The following NDFIP2 variants were observed in gnomAD, a reference collection of about 807,000 sequenced individuals.
The protein encoded by NDFIP2 is Nedd4 family interacting protein 2.
In NDFIP2, 19 loss-of-function variants were observed where a neutral mutation model predicts 36.0. That is an observed-to-expected ratio of 0.53 (90% CI 0.37 to 0.77). The LOEUF (loss-of-function observed/expected upper bound fraction) is 0.77. Ranked by LOEUF, NDFIP2 falls within the 30% of genes least tolerant of loss-of-function variation. NDFIP2 has a pLI of 0.00. For missense variants in NDFIP2, 446 were observed against 435.8 expected, an observed-to-expected ratio of 1.02 and a Z score of -0.21; for synonymous variants, 181 against 167.7, an observed-to-expected ratio of 1.08 and a Z score of -0.61.
intron 5 of NDFIP2, among the ~76,000 whole-genome samples, chr13:79,546,192 T>TA (rs2137115954): frequency 6.6e-6 from 1 of 151,064 alleles, no homozygotes; most frequent in Non-Finnish European, 1.5e-5. Context: ...AGTTTTCTCC[T>TA]AAAAACCTGG....
chr13:79,543,627 A>G lies in NDFIP2; in HGVS notation c.785A>G (p.Tyr262Cys). ...ATCACCAATACCATAGCTGGAAGGTATGGTGCTATCTGCGGATTTGGCCTT... is the reference window on the plus strand; with the variant it reads ...ATCACCAATACCATAGCTGGAAGGTGTGGTGCTATCTGCGGATTTGGCCTT... The part of the protein sequence containing the change: ...FCITNTIAGR[Y>C]GAICGFGLSL... Residue 262 changes from tyrosine to cysteine, a missense_variant, in exon 5 of 8, where the codon TAT becomes TGT. Coordinates refer to ENST00000218652, the MANE Select transcript of NDFIP2 (RefSeq NM_019080.3). 2 of 1,614,020 alleles carry G rather than the reference A, an allele frequency of 1.2e-6. No individual in the cohort carries two copies. The highest frequency in any genetic ancestry group is 1.7e-5 in the Admixed American group (1 of 60,026).
intron 2 of NDFIP2, among the ~76,000 whole-genome samples, chr13:79,527,095 A>T (rs1874826172): frequency 6.6e-6 from 1 of 152,204 alleles, no homozygotes; most frequent in Non-Finnish European, 1.5e-5. Context: ...TTACAAATAG[A>T]AACCTAGCAT....
rs1303759346 is a variant in NDFIP2 at position 79,543,810 on chromosome 13, A to G, written c.840+128A>G. The G allele has an allele frequency of 1.7e-5, 20 of 1,162,810 alleles. 1 individual carries two copies. In the South Asian group the frequency reaches 2.9e-4, roughly 17 times the overall value. 72.0% of individuals were successfully genotyped at this position (1,162,810 alleles called of 1,614,324 possible). A position where few individuals can be genotyped will look rare whatever the true frequency, so the allele number is the denominator to read the frequency against. On this transcript the variant is annotated intron_variant, in intron 5 of 7. Transcript: ENST00000218652. ...ATTTCAAGGCTTATTCTTAAATCCT[A>G]TACTTAATCATTATAGTGAGCTCTG...
chr13:79,523,816 T>C (rs1874686245), intron 2 of NDFIP2, among the ~76,000 whole-genome samples: 1 of 152,248 alleles, frequency 6.6e-6, no homozygotes, highest in Non-Finnish European at 1.5e-5. Context: ...GGGGATTGTC[T>C]ACTTCAGGTG....
rs1875952886 is a variant in NDFIP2 at position 79,552,696 on chromosome 13, G to C, written c.*183G>C. The C allele has an allele frequency of 6.6e-6, 1 of 151,792 alleles. No individual in the cohort carries two copies. The highest frequency in any genetic ancestry group is 1.5e-5 in the Non-Finnish European group (1 of 67,456). The allele number at this position is 151,792 out of a possible 1,614,324, so 9.4% of individuals were successfully genotyped here. A position where few individuals can be genotyped will look rare whatever the true frequency, so the allele number is the denominator to read the frequency against. On this transcript the variant is annotated 3_prime_UTR_variant, in exon 8 of 8. Coordinates refer to ENST00000218652, the MANE Select transcript of NDFIP2 (RefSeq NM_019080.3). ...CAAGCCATTTCTGTTCATTCTTTAA[G>C]TATCTATATTTCATTTGTTTTGCAC...
intron 1 of NDFIP2, among the ~76,000 whole-genome samples, chr13:79,482,660 G>C (rs1296865803): frequency 6.6e-6 from 1 of 152,114 alleles, no homozygotes; most frequent in African/African-American, 2.4e-5. Context: ...CTATTAATAA[G>C]TACATTTTGG....
intron 5 of NDFIP2, among the ~76,000 whole-genome samples, chr13:79,545,737 A>G (rs1372835417): frequency 2.0e-5 from 3 of 152,084 alleles, no homozygotes; most frequent in Non-Finnish European, 4.4e-5. Flanking sequence ...TCAAGGTCCC[A>G]CAGTTGTTTT....
chr13:79,493,742 C>T (rs1322922563), intron 1 of NDFIP2, among the ~76,000 whole-genome samples: 1 of 152,020 alleles, frequency 6.6e-6, no homozygotes, highest in East Asian at 1.9e-4. Context: ...ATGGCAATGC[C>T]AGACATAGAG....
intron 3 of NDFIP2, among the ~76,000 whole-genome samples, chr13:79,538,520 A>T (rs963784210): frequency 2.6e-5 from 4 of 152,220 alleles, no homozygotes; most frequent in African/African-American, 9.6e-5. Context: ...GAAATTGGCC[A>T]ACAAAAGGGG....
At chr13:79,507,670 A>G (rs1263910472) in intron 1 of NDFIP2, among the ~76,000 whole-genome samples, 3 of 152,052 alleles carry the variant, frequency 2.0e-5, no homozygotes, top group African/African-American at 7.2e-5. Context: ...TCATGTTTAA[A>G]AATGTCTATT....
intron 6 of NDFIP2, among the ~76,000 whole-genome samples, chr13:79,549,518 T>G (rs888329319): frequency 6.6e-5 from 10 of 151,808 alleles, no homozygotes; most frequent in Non-Finnish European, 1.3e-4. Flanking sequence ...AATCTAGTGT[T>G]TATTTATTTA....
chr13:79,501,305 A>G (rs1169285551), intron 1 of NDFIP2, among the ~76,000 whole-genome samples: 1 of 151,986 alleles, frequency 6.6e-6, no homozygotes, highest in African/African-American at 2.4e-5. Flanking sequence ...TAAACTATAG[A>G]CTTTGGGTAA....
chr13:79,538,603 T>C (rs1398444835), intron 3 of NDFIP2, among the ~76,000 whole-genome samples: 1 of 152,172 alleles, frequency 6.6e-6, no homozygotes, highest in Non-Finnish European at 1.5e-5. Context: ...TAATATTTTT[T>C]TGAGACGGTC....
intron 1 of NDFIP2, among the ~76,000 whole-genome samples, chr13:79,503,810 C>T (rs1261385435): frequency 6.6e-6 from 1 of 152,118 alleles, no homozygotes; most frequent in Non-Finnish European, 1.5e-5. Flanking sequence ...ATAATTTGGA[C>T]TCCTGTCAAT....
intron 5 of NDFIP2, 135 bp downstream of exon 5, chr13:79,543,817 A>G: frequency 9.1e-7 from 1 of 1,100,950 alleles, no homozygotes; most frequent in South Asian, 1.7e-5. Flanking sequence ...CCTATACTTA[A>G]TCATTATAGT....
At chr13:79,529,639 A>G (rs1167394941) in intron 2 of NDFIP2, among the ~76,000 whole-genome samples, 2 of 152,186 alleles carry the variant, frequency 1.3e-5, no homozygotes, top group Non-Finnish European at 2.9e-5. Context: ...TGCTAGTACC[A>G]ATTCCATGTG....
intron 2 of NDFIP2, among the ~76,000 whole-genome samples, chr13:79,526,835 T>C (rs1874814405): frequency 6.6e-6 from 1 of 152,218 alleles, no homozygotes; most frequent in South Asian, 2.1e-4. Flanking sequence ...ATATAGCTCA[T>C]CTGATTTTCC....
chr13:79,520,059 C>G (rs1450772913), intron 1 of NDFIP2, among the ~76,000 whole-genome samples: 1 of 152,186 alleles, frequency 6.6e-6, no homozygotes, highest in Non-Finnish European at 1.5e-5. Context: ...CCTTGGCCTC[C>G]CAATGTGCTG....
In NDFIP2 at chr13:79,539,679, CA is replaced by C; in HGVS notation, c.622-2del. On this transcript the variant is annotated splice_acceptor_variant, in intron 3 of 7. Coordinates refer to ENST00000218652, the MANE Select transcript of NDFIP2 (RefSeq NM_019080.3). LOFTEE classifies it high-confidence loss of function. ...GAGCTATTCCAATGTTACATATTTACAGATTCAGGAGGAAGAGTGTCCACCA... is the reference window on the plus strand; with the variant it reads ...GAGCTATTCCAATGTTACATATTTACGATTCAGGAGGAAGAGTGTCCACCA... 6.2e-7 allele frequency: 1 copy of C among 1,611,140 alleles called. No individual in the cohort carries two copies. Among genetic ancestry groups the C allele is most frequent in the Non-Finnish European group, 8.5e-7 (1 of 1,177,644 alleles).
Sources: gnomAD v4.1 joint callset for allele counts (sites outside exome capture counted in the v4.1 genomes callset) on GRCh38, gnomAD v4.1.1 for gene constraint, MANE v1.5 for transcripts, NCBI Gene and HGNC (gene_info 2026-07-23, HGNC 2026-07-21) for gene names.